GPBP1: variants seen among roughly 807,000 people sequenced by gnomAD.
The protein encoded by GPBP1 is vasculin.
GPBP1 carries 13 observed loss-of-function variants against 56.5 expected under a neutral mutation model. The observed-to-expected ratio is 0.23, with a 90% CI of 0.15 to 0.37. GPBP1 has a LOEUF of 0.37. Ranked by LOEUF, GPBP1 falls within the 10% of genes least tolerant of loss-of-function variation. The probability of loss-of-function intolerance (pLI) is 1.00; values close to 1 mark genes in which losing one functional copy is unlikely to be tolerated. For synonymous variants in GPBP1, 204 were observed against 188.9 expected (o/e 1.08, Z -0.66); for missense variants, 477 against 572.3 (o/e 0.83, Z 1.70).
At chr5:57,247,944 T>C (rs1252664018) in intron 8 of GPBP1, among the ~76,000 whole-genome samples, 1 of 152,134 alleles carries the variant, frequency 6.6e-6, no homozygotes, top group Admixed American at 6.5e-5. Context: ...GATCTTGCTA[T>C]GTTGTCCAGG....
At chr5:57,218,137 T>C (rs942857808) in intron 3 of GPBP1, among the ~76,000 whole-genome samples, 1 of 152,148 alleles carries the variant, frequency 6.6e-6, no homozygotes, top group African/African-American at 2.4e-5. Flanking sequence ...ACCACATAAT[T>C]TGGATTCTCC....
chr5:57,213,670 G>A (rs1442588590), intron 2 of GPBP1, among the ~76,000 whole-genome samples: 4 of 151,822 alleles, frequency 2.6e-5, no homozygotes, highest in African/African-American at 4.8e-5. Context: ...ATTTTAGGTG[G>A]GCACAAGACT....
chr5:57,209,042 T>C (rs1755363573), intron 2 of GPBP1, among the ~76,000 whole-genome samples: 1 of 152,152 alleles, frequency 6.6e-6, no homozygotes, highest in Admixed American at 6.5e-5. Flanking sequence ...ATTTTCTTGG[T>C]TATATTTATT....
chr5:57,252,371 G>A (rs1057293454), intron 10 of GPBP1, among the ~76,000 whole-genome samples: 1 of 151,964 alleles, frequency 6.6e-6, no homozygotes, highest in African/African-American at 2.4e-5. Context: ...CCTTTCCCAC[G>A]TGGACAGCGA....
intron 2 of GPBP1, among the ~76,000 whole-genome samples, chr5:57,176,766 C>T (rs1753804696): frequency 6.6e-6 from 1 of 152,130 alleles, no homozygotes; most frequent in Non-Finnish European, 1.5e-5. Flanking sequence ...TCTTCCTAGC[C>T]AGTTTGTATT....
chr5:57,229,939 T>TGG (rs1756369409), intron 3 of GPBP1, among the ~76,000 whole-genome samples: 1 of 132,802 alleles, frequency 7.5e-6, no homozygotes, highest in African/African-American at 3.2e-5. Context: ...TTGCATCGCA[T>TGG]CGCGTCCCGT....
intron 3 of GPBP1, among the ~76,000 whole-genome samples, chr5:57,224,193 C>T (rs993856446): frequency 1.3e-5 from 2 of 151,282 alleles, no homozygotes; most frequent in Admixed American, 1.3e-4. Flanking sequence ...ATGGCCCAGG[C>T]TGGAGTACAG....
At position 57,250,932 on chromosome 5, in the gene GPBP1, T is replaced by TG. The variant is rs1741355899; in HGVS notation, c.973-22_973-21insG. 13 of 1,480,840 alleles carry TG rather than the reference T, an allele frequency of 8.8e-6. 1 individual carries two copies. In the Middle Eastern group the frequency reaches 2.2e-3, roughly 248 times the overall value. 91.7% of individuals were successfully genotyped at this position (1,480,840 alleles called of 1,614,324 possible). A position where few individuals can be genotyped will look rare whatever the true frequency, so the allele number is the denominator to read the frequency against. Reference sequence around the variant, plus strand: ...TCTGTAGAACTCATTCTTTTTTTTTTTTTTAACTCTCTAAAAATCAGGATG... The same window carrying TG: ...TCTGTAGAACTCATTCTTTTTTTTTTGTTTTAACTCTCTAAAAATCAGGATG... On this transcript the variant is annotated intron_variant, in intron 9 of 11. Coordinates refer to ENST00000506184, the MANE Select transcript of GPBP1 (RefSeq NM_022913.4).
At chr5:57,191,858 C>T (rs1754541064) in intron 2 of GPBP1, among the ~76,000 whole-genome samples, 1 of 152,208 alleles carries the variant, frequency 6.6e-6, no homozygotes, top group Admixed American at 6.5e-5. Flanking sequence ...CCACGCCGGC[C>T]TGTCTAGGTT....
At position 57,246,295 on chromosome 5, in the gene GPBP1, T is replaced by A; in HGVS notation, c.479-5T>A. On this transcript the variant is annotated splice_region_variant and splice_polypyrimidine_tract_variant and intron_variant, in intron 6 of 11. Coordinates refer to ENST00000506184, the MANE Select transcript of GPBP1 (RefSeq NM_022913.4). ...GTGACTCTTGGTCATGCTTTATTTA[T>A]GCAGAATATCCTCCGAATCCTAAAT... 2 of 1,607,056 alleles carry A rather than the reference T, an allele frequency of 1.2e-6. No homozygotes were observed. The highest frequency in any genetic ancestry group is 1.7e-6 in the Non-Finnish European group (2 of 1,175,946).
At chr5:57,261,305 A>G (rs761588199) in intron 11 of GPBP1, 23 bp downstream of exon 11, 1 of 1,344,622 alleles carries the variant, frequency 7.4e-7, no homozygotes, top group Non-Finnish European at 1.1e-6. Flanking sequence ...GAATCATACA[A>G]CTTCACTTTT....
chr5:57,180,381 A>G (rs183286743), intron 2 of GPBP1, among the ~76,000 whole-genome samples: 19 of 152,276 alleles, frequency 1.2e-4, no homozygotes, highest in Admixed American at 9.2e-4. Context: ...CAGCCTCCCA[A>G]AGTGCTGGGA....
At chr5:57,229,271 G>GTTGTC (rs1357393022) in intron 3 of GPBP1, among the ~76,000 whole-genome samples, 1 of 111,174 alleles carries the variant, frequency 9.0e-6, no homozygotes, top group African/African-American at 3.8e-5. Flanking sequence ...AAAAAAAGGA[G>GTTGTC]TTGTCTGTCT....
At chr5:57,249,220 A>C in intron 8 of GPBP1, 189 bp from the exon 9 acceptor site, 2 of 467,654 alleles carry the variant, frequency 4.3e-6, no homozygotes, top group Non-Finnish European at 7.6e-6. Context: ...TTTGTGGGAT[A>C]AGAAAATTAT....
chr5:57,234,353 G>GT (rs1756581615), intron 5 of GPBP1, among the ~76,000 whole-genome samples: 1 of 152,280 alleles, frequency 6.6e-6, no homozygotes, highest in East Asian at 1.9e-4. Flanking sequence ...TCTCACTTTT[G>GT]TTTTTAATAA....
At chr5:57,242,917 CTT>C (rs1197597875) in intron 6 of GPBP1, among the ~76,000 whole-genome samples, 2 of 145,750 alleles carry the variant, frequency 1.4e-5, no homozygotes, top group African/African-American at 5.1e-5. Flanking sequence ...ACCTGGCTAA[CTT>C]TTTGTATTTT....
At chr5:57,188,243 C>CAAA (rs34967736) in intron 2 of GPBP1, among the ~76,000 whole-genome samples, 5,489 of 138,790 alleles carry the variant, frequency 0.04, 151 homozygotes, top group Admixed American at 0.074. Flanking sequence ...GAGACTGTCT[C>CAAA]AAAAAAAAAA....
rs561623261 is a variant in GPBP1 at position 57,174,998 on chromosome 5, C to T, written c.-1010-450C>T. 2.0e-5 allele frequency among the ~76,000 whole-genome samples: 3 copies of T among 152,304 alleles called. No individual in the cohort carries two copies. The South Asian group carries it at 6.2e-4, about 32-fold the overall frequency. ...GTAGACGTTCTGATTTGGAGGGAGC[C>T]TCTTTCTCTTTACACTTATCTCTGA... is the stretch of plus-strand genomic sequence containing the variant. On this transcript the variant is annotated intron_variant, in intron 1 of 11. Coordinates refer to ENST00000506184, the MANE Select transcript of GPBP1 (RefSeq NM_022913.4).
intron 3 of GPBP1, among the ~76,000 whole-genome samples, chr5:57,223,809 TA>T (rs886959644): frequency 6.7e-6 from 1 of 149,198 alleles, no homozygotes; most frequent in Non-Finnish European, 1.5e-5. Context: ...TTTATAATTT[TA>T]AAAAATATAT....
Sources: gnomAD v4.1 joint callset for allele counts (sites outside exome capture counted in the v4.1 genomes callset) on GRCh38, gnomAD v4.1.1 for gene constraint, MANE v1.5 for transcripts, NCBI Gene and HGNC (gene_info 2026-07-23, HGNC 2026-07-21) for gene names.